The following SPECC1 variants were observed in gnomAD, a reference collection of about 807,000 sequenced individuals.
SPECC1 encodes cytospin-B.
Under a neutral mutation model 104.1 loss-of-function variants are expected in SPECC1, and 62 were observed. The ratio of observed to expected loss-of-function variants is 0.60; its 90% confidence interval spans 0.49 to 0.74. The LOEUF (loss-of-function observed/expected upper bound fraction) is 0.74, where lower values mean the gene tolerates loss of function less well. SPECC1 is among the 30% of genes least tolerant of loss of function. The probability of loss-of-function intolerance (pLI) is 0.00; values close to 1 mark genes in which losing one functional copy is unlikely to be tolerated. For synonymous variants in SPECC1, 513 were observed against 501.6 expected (o/e 1.02, Z -0.30); for missense variants, 1,306 against 1,310.5 (o/e 1.00, Z 0.05).
At chr17:20,266,670 C>G (rs2040229570) in intron 12 of SPECC1, among the ~76,000 whole-genome samples, 1 of 152,140 alleles carries the variant, frequency 6.6e-6, no homozygotes, top group African/African-American at 2.4e-5. Flanking sequence ...AACTTAAATC[C>G]TCATGGGGTC....
chr17:20,010,206 A>C (rs1597555930), intron 1 of SPECC1: 1 of 139,896 alleles, frequency 7.1e-6, no homozygotes, highest in African/African-American at 2.7e-5. Context: ...CTGGAGCTCC[A>C]TTTGCCAGCA....
chr17:20,279,323 C>A (rs150659794), intron 12 of SPECC1, among the ~76,000 whole-genome samples: 1 of 113,742 alleles, frequency 8.8e-6, no homozygotes. Context: ...TTTTTTTTTT[C>A]TTTTTTTTTT....
intron 1 of SPECC1, among the ~76,000 whole-genome samples, chr17:20,071,657 G>A (rs142931098): frequency 1.5e-3 from 225 of 152,234 alleles, no homozygotes; most frequent in African/African-American, 5.2e-3. Flanking sequence ...TTTGGGGGGC[G>A]ACTGTAACTT....
In SPECC1 at chr17:20,116,164, G is replaced by A. The variant is rs182567024; in HGVS notation, c.283+5602G>A. ...GTGCAGTGGCGCGATCTTGGCTCAC[G>A]GCAAGCTCCGCCTCCCAGTTTCACG... On this transcript the variant is annotated intron_variant, in intron 3 of 14. Coordinates refer to ENST00000395527, the MANE Select transcript of SPECC1 (RefSeq NM_001243439.2). Among the ~76,000 whole-genome samples the A allele has an allele frequency of 2.3e-3, 344 of 151,954 alleles. 1 individual carries two copies. Among genetic ancestry groups the A allele is most frequent in the African/African-American group, 8.1e-3 (335 of 41,446 alleles).
chr17:20,064,585 C>T (rs1049602022), intron 1 of SPECC1, among the ~76,000 whole-genome samples: 14 of 152,132 alleles, frequency 9.2e-5, no homozygotes, highest in East Asian at 1.9e-4. Flanking sequence ...CAGCGCCAGA[C>T]GTCTTCCATC....
intron 3 of SPECC1, among the ~76,000 whole-genome samples, chr17:20,116,245 C>T (rs1191701729): frequency 8.6e-5 from 13 of 152,000 alleles, no homozygotes; most frequent in African/African-American, 2.7e-4. Context: ...CCCGCCACCA[C>T]GCCCAGCTAA....
chr17:20,153,389 G>A (rs929184484), intron 3 of SPECC1, among the ~76,000 whole-genome samples: 2 of 152,146 alleles, frequency 1.3e-5, no homozygotes, highest in Non-Finnish European at 2.9e-5. Context: ...AAGGGTAGAG[G>A]GGAGCCACAG....
intron 2 of SPECC1, among the ~76,000 whole-genome samples, chr17:20,100,131 A>C (rs1343889546): frequency 6.6e-6 from 1 of 152,044 alleles, no homozygotes; most frequent in East Asian, 1.9e-4. Flanking sequence ...CTTTTTCTGC[A>C]CTTGGTACCA....
At chr17:20,248,482 C>T (rs142106680) in intron 9 of SPECC1, among the ~76,000 whole-genome samples, 1 of 152,150 alleles carries the variant, frequency 6.6e-6, no homozygotes, top group Non-Finnish European at 1.5e-5. Flanking sequence ...TCCAGCATGT[C>T]GAAAAACTTG....
At chr17:20,027,602 A>G (rs184934894) in intron 1 of SPECC1, among the ~76,000 whole-genome samples, 90 of 152,130 alleles carry the variant, frequency 5.9e-4, no homozygotes, top group Middle Eastern at 3.4e-3. Flanking sequence ...TGATTTTTCT[A>G]TATGGTGAGA....
rs1338450843 is a variant in SPECC1, at chr17:20,095,494, GGGTCGGGAACTAGAT to G, written c.-21-1122_-21-1108del. ...CCACCAGCTGGTCACTGTTTCAATA[GGGTCGGGAACTAGAT>G]GGTCGGGAACTAGAGAGACATTGTC... On this transcript the variant is annotated intron_variant, in intron 1 of 14. Coordinates refer to ENST00000395527, the MANE Select transcript of SPECC1 (RefSeq NM_001243439.2). Among the ~76,000 whole-genome samples the G allele has an allele frequency of 2.6e-5, 4 of 152,340 alleles. No individual in the cohort carries two copies. In the South Asian group the frequency reaches 6.2e-4, roughly 24 times the overall value.
intron 14 of SPECC1, among the ~76,000 whole-genome samples, chr17:20,309,815 CTTTTTT>C (rs763244105): frequency 9.7e-6 from 1 of 103,406 alleles, no homozygotes; most frequent in Non-Finnish European, 1.9e-5. Context: ...TTCTCCTTTT[CTTTTTT>C]TTTTTTTTTT....
chr17:20,280,378 C>T (rs1187199049), intron 12 of SPECC1, among the ~76,000 whole-genome samples: 1 of 152,258 alleles, frequency 6.6e-6, no homozygotes, highest in African/African-American at 2.4e-5. Flanking sequence ...CTCAGAGTCA[C>T]ACCCTAGTAA....
intron 13 of SPECC1, among the ~76,000 whole-genome samples, chr17:20,302,918 A>G (rs2041639854): frequency 6.7e-6 from 1 of 150,004 alleles, no homozygotes; most frequent in East Asian, 2.0e-4. Flanking sequence ...AAAGAAAACA[A>G]GTGGTTTCAT....
rs1015303612 is a variant in SPECC1 at position 20,114,497 on chromosome 17, T to G, written c.283+3935T>G. ...GAGTCATGGCGCCCAGCCTGTTTTTTTTTTTGTTTTTTTTTTTAGTGAAAT... is the reference window on the plus strand; with the variant it reads ...GAGTCATGGCGCCCAGCCTGTTTTTGTTTTTGTTTTTTTTTTTAGTGAAAT... On this transcript the variant is annotated intron_variant, in intron 3 of 14. Coordinates refer to ENST00000395527, the MANE Select transcript of SPECC1 (RefSeq NM_001243439.2). Among the ~76,000 whole-genome samples the G allele has an allele frequency of 1.4e-4, 21 of 146,462 alleles. 1 individual carries two copies. Among genetic ancestry groups the G allele is most frequent in the Admixed American group, 6.7e-5 (1 of 15,012 alleles).
intron 12 of SPECC1, among the ~76,000 whole-genome samples, chr17:20,277,811 A>C (rs1009671516): frequency 3.3e-5 from 5 of 152,134 alleles, no homozygotes; most frequent in Admixed American, 2.6e-4. Context: ...CACCTTGTAG[A>C]CGTGGACTTA....
chr17:20,261,678 G>C (rs1290341455), intron 12 of SPECC1, among the ~76,000 whole-genome samples: 1 of 152,144 alleles, frequency 6.6e-6, no homozygotes, highest in Non-Finnish European at 1.5e-5. Context: ...CTATTGTTTT[G>C]AGAATTGTTT....
chr17:20,039,433 T>G (rs192153643), intron 1 of SPECC1, among the ~76,000 whole-genome samples: 1 of 152,330 alleles, frequency 6.6e-6, no homozygotes, highest in East Asian at 1.9e-4. Flanking sequence ...CTCTTGAAAT[T>G]TTCTTTTCTC....
At chr17:20,133,288 T>C (rs2049752892) in intron 3 of SPECC1, among the ~76,000 whole-genome samples, 1 of 152,154 alleles carries the variant, frequency 6.6e-6, no homozygotes, top group Non-Finnish European at 1.5e-5. Flanking sequence ...AAAACAGAGC[T>C]AGTCTTACCC....
Sources: allele counts gnomAD v4.1 joint callset (sites outside exome capture counted in the v4.1 genomes callset), GRCh38; gene constraint gnomAD v4.1.1; transcripts MANE v1.5; gene names NCBI Gene and HGNC (gene_info 2026-07-23, HGNC 2026-07-21).